DSG3: variants seen among roughly 807,000 people sequenced by gnomAD.
The protein encoded by DSG3 is desmoglein 3.
Under a neutral mutation model 85.9 loss-of-function variants are expected in DSG3, and 63 were observed. The observed-to-expected ratio is 0.73, with a 90% CI of 0.60 to 0.90. The LOEUF is 0.90. Among genes scored for constraint, DSG3 ranks in the 40% least tolerant of loss-of-function variants. The probability of loss-of-function intolerance (pLI) is 0.00; values close to 1 mark genes in which losing one functional copy is unlikely to be tolerated. For missense variants in DSG3, 1,220 were observed against 1,219.9 expected, an observed-to-expected ratio of 1.00 and a Z score of 0.00; for synonymous variants, 447 against 441.9, an observed-to-expected ratio of 1.01 and a Z score of -0.14.
intron 8 of DSG3, among the ~76,000 whole-genome samples, chr18:31,463,280 T>A (rs1397998849): frequency 6.6e-6 from 1 of 152,228 alleles, no homozygotes; most frequent in Non-Finnish European, 1.5e-5. Context: ...TATAGTTCCA[T>A]GTTTAGACAT....
chr18:31,461,071 C>T, intron 7 of DSG3, 110 bp downstream of exon 7: 1 of 1,280,016 alleles, frequency 7.8e-7, no homozygotes. Context: ...CTGCACTTAT[C>T]TTTAAAGAAA....
chr18:31,458,551 A>C lies in DSG3; in HGVS notation c.323A>C (p.Asp108Ala). 6.2e-7 allele frequency: 1 copy of C among 1,614,036 alleles called. No individual in the cohort carries two copies. Among genetic ancestry groups the C allele is most frequent in the Non-Finnish European group, 8.5e-7 (1 of 1,179,948 alleles). Reference protein sequence around the residue: ...GIFVVDKNTGDINITAIVDRE... With the variant: ...GIFVVDKNTGAINITAIVDRE... ...TTTGTTGTTGACAAAAACACTGGAG[A>C]TATTAACATAACAGCTATAGTCGAC... is the stretch of plus-strand genomic sequence containing the variant. The change falls in exon 4 of 16, where the codon GAT (aspartate) becomes GCT (alanine). Residue 108 changes from aspartate (D) to alanine (A), a missense_variant. Asp to Ala is a moderately radical substitution (Grantham distance 126). Transcript: ENST00000257189.
Position 31,476,732 on chromosome 18 carries a change from G to A in DSG3, c.*472G>A, listed in dbSNP as rs1175958082. ...CCCAGCACTTTGGGAGGCCGAGGCAGGTGGATCATGAGGTCAGGAGATCGA... is the reference window on the plus strand; with the variant it reads ...CCCAGCACTTTGGGAGGCCGAGGCAAGTGGATCATGAGGTCAGGAGATCGA... On this transcript the variant is annotated 3_prime_UTR_variant, in exon 16 of 16. Coordinates refer to ENST00000257189, the MANE Select transcript of DSG3 (RefSeq NM_001944.3). The A allele has an allele frequency of 6.5e-6, 1 of 153,274 alleles. No homozygotes were observed. The highest frequency in any genetic ancestry group is 1.5e-5 in the Non-Finnish European group (1 of 68,932). The allele number at this position is 153,274 out of a possible 1,614,324, so 9.5% of individuals were successfully genotyped here. A position where few individuals can be genotyped will look rare whatever the true frequency, so the allele number is the denominator to read the frequency against.
Position 31,464,373 on chromosome 18 carries a change from C to G in DSG3, c.1262C>G (p.Ser421Ter). Residue 421 changes from serine (S) to a stop codon, truncating the protein, a stop_gained, in exon 9 of 16, where the codon TCA becomes TGA. Transcript: ENST00000257189. LOFTEE classifies it high-confidence loss of function. Reference protein sequence around the residue: ...AIDEDTNKAASNVKYVMGRND... With the variant: ...AIDEDTNKAA Reference sequence around the variant, plus strand: ...GATGAGGACACTAACAAAGCTGCCTCAAATGTCAAGTAAGACTATTTTTAT... The same window carrying G: ...GATGAGGACACTAACAAAGCTGCCTGAAATGTCAAGTAAGACTATTTTTAT... The G allele has an allele frequency of 6.2e-7, 1 of 1,606,594 alleles. No homozygotes were observed. The highest frequency in any genetic ancestry group is 8.5e-7 in the Non-Finnish European group (1 of 1,175,946).
chr18:31,473,092 A>G (rs988090007), intron 14 of DSG3, among the ~76,000 whole-genome samples: 4 of 152,232 alleles, frequency 2.6e-5, no homozygotes, highest in Non-Finnish European at 4.4e-5. Flanking sequence ...TTTTTTAATT[A>G]GGAAAGACTT....
Position 31,460,815 on chromosome 18 carries a change from T to C in DSG3, c.685-18T>C. The C allele has an allele frequency of 6.4e-7, 1 of 1,563,308 alleles. No homozygotes were observed. Among genetic ancestry groups the C allele is most frequent in the African/African-American group, 1.4e-5 (1 of 71,082 alleles). On this transcript the variant is annotated intron_variant, in intron 6 of 15. Transcript: ENST00000257189. ...CTTTGGGATTAATTATTTTTCTTTA[T>C]TTTTTATCCAAAATTAGCAAGCTAG...
intron 11 of DSG3, among the ~76,000 whole-genome samples, chr18:31,467,683 TATA>T (rs2072830617): frequency 2.0e-5 from 3 of 152,242 alleles, no homozygotes; most frequent in Admixed American, 6.5e-5. Flanking sequence ...TTCTGGATTT[TATA>T]ATGACGATGA....
At position 31,465,428 on chromosome 18, in the gene DSG3, C is replaced by T; in HGVS notation, c.1382C>T (p.Thr461Ile). 6.5e-7 allele frequency: 1 copy of T among 1,528,588 alleles called. No individual in the cohort carries two copies. Among genetic ancestry groups the T allele is most frequent in the Non-Finnish European group, 8.8e-7 (1 of 1,141,196 alleles). The allele number at this position is 1,528,588 out of a possible 1,614,324, so 94.7% of individuals were successfully genotyped here. The change falls in exon 10 of 16, where the codon ACA becomes ATA. Residue 461 changes from threonine to isoleucine, a missense_variant. Transcript: ENST00000257189. ...GATTCTACTTTCATAGTTAACAAAA[C>T]AATCACAGCTGAGGTTCTGGCCATA... ...NRDSTFIVNK[T>I]ITAEVLAIDE...
intron 12 of DSG3, among the ~76,000 whole-genome samples, chr18:31,469,741 C>T (rs2072844343): frequency 6.6e-6 from 1 of 152,042 alleles, no homozygotes; most frequent in African/African-American, 2.4e-5. Flanking sequence ...AAAAAGAGAA[C>T]ACTAGTCAAA....
rs2072776230 is a variant in DSG3 at position 31,460,350 on chromosome 18, G to T, written c.684+339G>T. Among the ~76,000 whole-genome samples, 3 of 152,262 alleles carry T rather than the reference G, an allele frequency of 2.0e-5. No homozygotes were observed. In the South Asian group the frequency reaches 6.2e-4, roughly 32 times the overall value. On this transcript the variant is annotated intron_variant, in intron 6 of 15. Transcript: ENST00000257189. ...GAAGCAAGTGTCTTAGATGAAGGGA[G>T]AAATTTCTGTCTGGAATAAAGCCTT...
Position 31,476,305 on chromosome 18 carries a change from G to A in DSG3, c.*45G>A, listed in dbSNP as rs2144251604. ...CACACTGACCAAATCTGGATCTTTG[G>A]ACTAAAGTATTCAAAATAGCATAGC... On this transcript the variant is annotated 3_prime_UTR_variant, in exon 16 of 16. Coordinates refer to ENST00000257189, the MANE Select transcript of DSG3 (RefSeq NM_001944.3). 1 of 1,551,078 alleles carries A rather than the reference G, an allele frequency of 6.4e-7. No individual in the cohort carries two copies. The highest frequency in any genetic ancestry group is 8.7e-7 in the Non-Finnish European group (1 of 1,150,332).
At position 31,469,327 on chromosome 18, in the gene DSG3, C is replaced by A. The variant is rs758903446; in HGVS notation, c.1875C>A (p.Leu625=). The change falls in exon 12 of 16, where the codon CTC becomes CTA. Residue 625 remains leucine (L), a synonymous_variant. Transcript: ENST00000257189. The part of the protein sequence containing the change: ...RLGPAAIGLL[L]LGLLLLLLAP... ...GGCCTGCCGCCATCGGCCTGCTGCT[C>A]CTTGGTCTCCTGCTGCTGCTGTGTG... 1 of 1,613,138 alleles carries A rather than the reference C, an allele frequency of 6.2e-7. No homozygotes were observed. Among genetic ancestry groups the A allele is most frequent in the Non-Finnish European group, 8.5e-7 (1 of 1,180,032 alleles).
At chr18:31,469,477 A>G (rs2144283529) in intron 12 of DSG3, 128 bp downstream of exon 12, 1 of 1,333,594 alleles carries the variant, frequency 7.5e-7, no homozygotes, top group Non-Finnish European at 1.0e-6. Flanking sequence ...AAGCTAGGGG[A>G]AAATGGCATT....
At chr18:31,461,609 G>C (rs1349731339) in intron 8 of DSG3, among the ~76,000 whole-genome samples, 197 bp downstream of exon 8, 2 of 152,188 alleles carry the variant, frequency 1.3e-5, no homozygotes, top group Admixed American at 1.3e-4. Context: ...CTCATTCCAA[G>C]CTATTGAACT....
At position 31,458,614 on chromosome 18, in the gene DSG3, C is replaced by T; in HGVS notation, c.372+14C>T. 1.2e-6 allele frequency: 2 copies of T among 1,609,570 alleles called. No individual in the cohort carries two copies. Among genetic ancestry groups the T allele is most frequent in the Middle Eastern group, 1.7e-4 (1 of 6,022 alleles). On this transcript the variant is annotated intron_variant, in intron 4 of 15. Transcript: ENST00000257189. ...CCAAGCTTCCTGGTAAGTTTGGGTCCTCAACATTGGGCTACCCTTCTCCTT... is the reference window on the plus strand; with the variant it reads ...CCAAGCTTCCTGGTAAGTTTGGGTCTTCAACATTGGGCTACCCTTCTCCTT...
At chr18:31,448,962 T>C (rs899632471) in intron 1 of DSG3, among the ~76,000 whole-genome samples, 5 of 152,148 alleles carry the variant, frequency 3.3e-5, no homozygotes. Context: ...TGGAGTGCAG[T>C]GGTGCGATCT....
rs531286596 is a variant in DSG3 at position 31,460,194 on chromosome 18, C to T, written c.684+183C>T. On this transcript the variant is annotated intron_variant, in intron 6 of 15. Transcript: ENST00000257189. ...GATTCTGGTGAGGCGAGATGTGTAC[C>T]GGGCACCTGCAGAATCAGTTGTACC... is the stretch of plus-strand genomic sequence containing the variant. Among the ~76,000 whole-genome samples the T allele has an allele frequency of 5.2e-4, 79 of 152,194 alleles. 1 individual carries two copies. In the South Asian group the frequency reaches 0.015, roughly 28 times the overall value.
chr18:31,452,505 G>A (rs961421694), intron 1 of DSG3, among the ~76,000 whole-genome samples: 7 of 115,970 alleles, frequency 6.0e-5, no homozygotes, highest in Non-Finnish European at 8.2e-5. Context: ...GTGACAGAGC[G>A]AGACTCCGTC....
chr18:31,476,437 T>C lies in DSG3; in HGVS notation c.*177T>C, dbSNP rs933397422. 14 of 621,478 alleles carry C rather than the reference T, an allele frequency of 2.3e-5. No homozygotes were observed. Among genetic ancestry groups the C allele is most frequent in the Non-Finnish European group, 3.6e-5 (14 of 392,526 alleles). The allele number at this position is 621,478 out of a possible 1,614,324, so 38.5% of individuals were successfully genotyped here. A position where few individuals can be genotyped will look rare whatever the true frequency, so the allele number is the denominator to read the frequency against. On this transcript the variant is annotated 3_prime_UTR_variant, in exon 16 of 16. Coordinates refer to ENST00000257189, the MANE Select transcript of DSG3 (RefSeq NM_001944.3). ...GGTTCATACCCCAAAAGCAATATGT[T>C]GTCACTCCTAATTCTCAAGTACTAT...
Sources: allele counts gnomAD v4.1 joint callset (sites outside exome capture counted in the v4.1 genomes callset), GRCh38; gene constraint gnomAD v4.1.1; transcripts MANE v1.5; gene names NCBI Gene and HGNC (gene_info 2026-07-23, HGNC 2026-07-21).